RGL1: variants seen among roughly 807,000 people sequenced by gnomAD.
RGL1 encodes the protein ral guanine nucleotide dissociation stimulator-like 1.
A neutral mutation model predicts 95.2 loss-of-function variants in RGL1; 24 were observed. The observed-to-expected ratio is 0.25, with a 90% CI of 0.18 to 0.35. RGL1 has a LOEUF of 0.35. RGL1 is among the 10% of genes least tolerant of loss of function. The pLI, the probability that RGL1 is intolerant of heterozygous loss-of-function variation, is 1.00. For synonymous variants in RGL1, 329 were observed against 344.9 expected (o/e 0.95, Z 0.51); for missense variants, 715 against 936.3 (o/e 0.76, Z 3.08).
At chr1:183,726,513 A>C (rs191226398) in intron 1 of RGL1, among the ~76,000 whole-genome samples, 2 of 152,260 alleles carry the variant, frequency 1.3e-5, no homozygotes, top group Admixed American at 6.5e-5. Context: ...GATGTTAATA[A>C]ATTAAACAAC....
intron 3 of RGL1, among the ~76,000 whole-genome samples, chr1:183,849,043 A>G (rs1337197459): frequency 6.6e-6 from 1 of 152,150 alleles, no homozygotes; most frequent in Non-Finnish European, 1.5e-5. Flanking sequence ...TACAGATAGC[A>G]TCACAGTACA....
At chr1:183,877,524 GC>G (rs1486392726) in intron 4 of RGL1, among the ~76,000 whole-genome samples, 1 of 152,152 alleles carries the variant, frequency 6.6e-6, no homozygotes, top group Non-Finnish European at 1.5e-5. Context: ...ATGTGTCCAG[GC>G]CTTTCCAGAA....
At chr1:183,858,742 C>A (rs571762074) in intron 3 of RGL1, among the ~76,000 whole-genome samples, 19 of 152,174 alleles carry the variant, frequency 1.2e-4, no homozygotes, top group African/African-American at 4.3e-4. Context: ...GGCCCCTAGT[C>A]CTGGGAACAC....
At chr1:183,824,183 C>A (rs959434529) in intron 2 of RGL1, among the ~76,000 whole-genome samples, 1 of 151,986 alleles carries the variant, frequency 6.6e-6, no homozygotes, top group East Asian at 1.9e-4. Context: ...GCAGAACTAC[C>A]CATCCGTTGT....
chr1:183,737,913 G>A (rs1028075619), intron 1 of RGL1, among the ~76,000 whole-genome samples: 1 of 152,046 alleles, frequency 6.6e-6, no homozygotes, highest in East Asian at 1.9e-4. Context: ...TCTGTTTTGG[G>A]TATCAGGTGT....
intron 1 of RGL1, chr1:183,710,151 G>A: frequency 4.8e-6 from 1 of 208,780 alleles, no homozygotes; most frequent in South Asian, 7.8e-5. Flanking sequence ...TGCCTGGCTT[G>A]TTGCTCACGC....
intron 1 of RGL1, among the ~76,000 whole-genome samples, chr1:183,639,642 A>G (rs558275826): frequency 2.0e-4 from 31 of 152,050 alleles, no homozygotes; most frequent in Middle Eastern, 3.4e-3. Context: ...TTACACATTA[A>G]AGTGGAATAG....
At chr1:183,896,431 T>G (rs1334783242) in intron 9 of RGL1, among the ~76,000 whole-genome samples, 1 of 152,242 alleles carries the variant, frequency 6.6e-6, no homozygotes, top group Non-Finnish European at 1.5e-5. Context: ...TCATTTGTGA[T>G]GGGAAGAACT....
chr1:183,854,531 TG>T, intron 3 of RGL1, among the ~76,000 whole-genome samples: 1 of 152,272 alleles, frequency 6.6e-6, no homozygotes, highest in South Asian at 2.1e-4. Flanking sequence ...TCCTCCACAG[TG>T]TAGAGAGGAG....
At chr1:183,904,704 A>G in intron 12 of RGL1, 146 bp from the exon 13 acceptor site, 1 of 779,504 alleles carries the variant, frequency 1.3e-6, no homozygotes, top group Non-Finnish European at 1.9e-6. Flanking sequence ...TTTATTTTTA[A>G]GGAAGCAGTA....
At chr1:183,709,150 GTCT>G (rs1247846804) in intron 1 of RGL1, among the ~76,000 whole-genome samples, 2 of 152,280 alleles carry the variant, frequency 1.3e-5, no homozygotes, top group African/African-American at 4.8e-5. Context: ...GGGGGTACGT[GTCT>G]TCTGCCGGCC....
At chr1:183,840,843 G>A (rs1410966579) in intron 2 of RGL1, among the ~76,000 whole-genome samples, 1 of 152,140 alleles carries the variant, frequency 6.6e-6, no homozygotes, top group Admixed American at 6.5e-5. Context: ...ATTGAACCCT[G>A]ATTGCACCAC....
intron 3 of RGL1, 38 bp from the exon 4 acceptor site, chr1:183,865,958 G>T (rs1439537861): frequency 4.1e-6 from 6 of 1,451,728 alleles, no homozygotes; most frequent in South Asian, 1.1e-5. Flanking sequence ...CAACACCACT[G>T]ACTGTTTTTG....
In RGL1 at chr1:183,892,292, A is replaced by T. The variant is rs192357379; in HGVS notation, c.1140+131A>T. ...GCCTAAAGTAACTAGAAGGCAAAAA[A>T]TTTTTTTAAATGCAGAATCTAAGAA... On this transcript the variant is annotated intron_variant, in intron 9 of 17. Transcript: ENST00000360851. 1,087 of 617,156 alleles carry T rather than the reference A, an allele frequency of 1.8e-3. 25 individuals carry two copies. The Admixed American group carries it at 0.026, about 15-fold the overall frequency. The allele number at this position is 617,156 out of a possible 1,614,324, so 38.2% of individuals were successfully genotyped here.
At chr1:183,833,522 C>T (rs371213348) in intron 2 of RGL1, among the ~76,000 whole-genome samples, 2 of 152,154 alleles carry the variant, frequency 1.3e-5, no homozygotes, top group African/African-American at 4.8e-5. Context: ...AGGTGAATCT[C>T]TTGAAAACCC....
chr1:183,888,815 T>G (rs1158244881), intron 8 of RGL1, among the ~76,000 whole-genome samples: 1 of 152,138 alleles, frequency 6.6e-6, no homozygotes, highest in Non-Finnish European at 1.5e-5. Context: ...TGGGGATGAT[T>G]TGAAGGATGT....
rs1426631120 is a variant in RGL1, at chr1:183,904,959, C to T, written c.1460C>T (p.Thr487Ile). 6.2e-7 allele frequency: 1 copy of T among 1,612,996 alleles called. No homozygotes were observed. ...IQWFQRQQLL[T>I]EEESYALSCE... ...TGGTTCCAGAGGCAGCAGCTCCTGA[C>T]AGAGGAGGAGAGGTGGGATCACCTG... Residue 487 changes from threonine (T) to isoleucine (I), a missense_variant, in exon 13 of 18, where the codon ACA (threonine) becomes ATA (isoleucine). This residue lies in a region of RGL1 where 330 missense variants were observed against 429.6 expected (regional missense o/e 0.77). Coordinates refer to ENST00000360851, the MANE Select transcript of RGL1 (RefSeq NM_001297671.3).
rs1660570640 is a variant in RGL1 at position 183,794,060 on chromosome 1, A to G, written c.133-12315A>G. Reference sequence around the variant, plus strand: ...GAATGGGTAAAGAAAATGTGGACACACACACACACACACACACACACACAC... The same window carrying G: ...GAATGGGTAAAGAAAATGTGGACACGCACACACACACACACACACACACAC... On this transcript the variant is annotated intron_variant, in intron 2 of 18. Transcript: ENST00000304685. Among the ~76,000 whole-genome samples the G allele has an allele frequency of 5.7e-5, 3 of 52,732 alleles. 1 individual carries two copies. Among genetic ancestry groups the G allele is most frequent in the African/African-American group, 3.8e-4 (3 of 7,982 alleles). The allele number at this position is 52,732 out of a possible 152,430, so 34.6% of individuals were successfully genotyped here. A position where few individuals can be genotyped will look rare whatever the true frequency, so the allele number is the denominator to read the frequency against.
At chr1:183,855,771 TA>T (rs1665102139) in intron 3 of RGL1, among the ~76,000 whole-genome samples, 1 of 152,232 alleles carries the variant, frequency 6.6e-6, no homozygotes, top group Non-Finnish European at 1.5e-5. Flanking sequence ...CTTATAGCAT[TA>T]ACACTCACAT....
Sources: allele counts gnomAD v4.1 joint callset (sites outside exome capture counted in the v4.1 genomes callset), GRCh38; gene constraint gnomAD v4.1.1; regional missense constraint gnomAD v4.1.1; transcripts MANE v1.5; gene names NCBI Gene and HGNC (gene_info 2026-07-23, HGNC 2026-07-21).